The following MAPKAPK5 variants were observed in gnomAD, a reference collection of about 807,000 sequenced individuals.
MAPKAPK5 encodes MAPK activated protein kinase 5.
Under a neutral mutation model 65.1 loss-of-function variants are expected in MAPKAPK5, and 30 were observed. That is an observed-to-expected ratio of 0.46 (90% confidence interval 0.34 to 0.63). The LOEUF (loss-of-function observed/expected upper bound fraction) is 0.63. MAPKAPK5 is among the 20% of genes least tolerant of loss of function. The pLI is 0.01. For missense variants in MAPKAPK5, 433 were observed against 581.4 expected (o/e 0.74, Z 2.63); for synonymous variants, 179 against 204.6 (o/e 0.87, Z 1.07).
intron 1 of MAPKAPK5, among the ~76,000 whole-genome samples, chr12:111,845,148 A>G (rs2068866602): frequency 6.6e-6 from 1 of 151,828 alleles, no homozygotes; most frequent in African/African-American, 2.4e-5. Context: ...TTTTTGATAC[A>G]GAGTCTCACT....
At chr12:111,884,139 T>G (rs969605599) in intron 9 of MAPKAPK5, among the ~76,000 whole-genome samples, 14 of 152,168 alleles carry the variant, frequency 9.2e-5, no homozygotes, top group African/African-American at 3.4e-4. Flanking sequence ...GGTGCCGAGA[T>G]GACAAACAGC....
At chr12:111,870,534 T>C (rs775255789) in intron 6 of MAPKAPK5, among the ~76,000 whole-genome samples, 174 bp downstream of exon 6, 3 of 152,236 alleles carry the variant, frequency 2.0e-5, no homozygotes, top group Non-Finnish European at 2.9e-5. Context: ...TGTACTACTG[T>C]ACTCCCGGCA....
At chr12:111,866,009 C>G (rs952607940) in intron 2 of MAPKAPK5, 147 bp from the exon 3 acceptor site, 4 of 613,896 alleles carry the variant, frequency 6.5e-6, no homozygotes, top group Admixed American at 6.2e-5. Context: ...TTCTTTCCCC[C>G]ACCTGCTACC....
At chr12:111,867,792 G>T (rs913791115) in intron 4 of MAPKAPK5, 123 bp downstream of exon 4, 1 of 708,878 alleles carries the variant, frequency 1.4e-6, no homozygotes, top group South Asian at 1.8e-5. Context: ...CGCTTCCTCT[G>T]CCCTTCCTTC....
At chr12:111,874,283 T>C (rs929933128) in intron 7 of MAPKAPK5, among the ~76,000 whole-genome samples, 1 of 151,292 alleles carries the variant, frequency 6.6e-6, no homozygotes, top group African/African-American at 2.4e-5. Context: ...TAATCTCAGC[T>C]ACTTGGGAGG....
At chr12:111,871,500 G>A (rs1053562434) in intron 7 of MAPKAPK5, among the ~76,000 whole-genome samples, 15 of 152,160 alleles carry the variant, frequency 9.9e-5, no homozygotes, top group African/African-American at 3.4e-4. Flanking sequence ...AAAATTAGCC[G>A]AGTGTGGTGG....
intron 1 of MAPKAPK5, among the ~76,000 whole-genome samples, chr12:111,862,180 A>C (rs2069462447): frequency 6.6e-6 from 1 of 152,222 alleles, no homozygotes; most frequent in South Asian, 2.1e-4. Context: ...AGTTGGGCTC[A>C]GTGAAGCCTT....
At chr12:111,873,251 C>A (rs1218478596) in intron 7 of MAPKAPK5, among the ~76,000 whole-genome samples, 1 of 152,092 alleles carries the variant, frequency 6.6e-6, no homozygotes, top group African/African-American at 2.4e-5. Flanking sequence ...CAAGTTGTTG[C>A]AGCATCATTG....
chr12:111,862,258 G>T (rs948678649), intron 1 of MAPKAPK5, among the ~76,000 whole-genome samples: 6 of 152,244 alleles, frequency 3.9e-5, no homozygotes, highest in Admixed American at 1.3e-4. Context: ...AGGACAGGAG[G>T]TATAAAAAAT....
At chr12:111,844,898 G>A (rs961277062) in intron 1 of MAPKAPK5, among the ~76,000 whole-genome samples, 7 of 152,214 alleles carry the variant, frequency 4.6e-5, no homozygotes, top group Non-Finnish European at 8.8e-5. Flanking sequence ...AAGGTGGCTG[G>A]AATGCAGTGG....
At chr12:111,866,019 C>T in intron 2 of MAPKAPK5, 137 bp from the exon 3 acceptor site, 1 of 641,656 alleles carries the variant, frequency 1.6e-6, no homozygotes, top group Non-Finnish European at 2.6e-6. Flanking sequence ...CACCTGCTAC[C>T]CTTGGGGGCA....
rs1409029634 is a variant in MAPKAPK5, at chr12:111,899,219, C to CT, written c.*6159dup. On this transcript the variant is annotated 3_prime_UTR_variant, in exon 14 of 14. Transcript: ENST00000550735. ...GGTTTGTGTGCGAGGGAGAGCTCTG[C>CT]TGATGGACATAGGCCCAGAATCATT... 13 of 152,420 alleles carry CT rather than the reference C, an allele frequency of 8.5e-5. No individual in the cohort carries two copies. Among genetic ancestry groups the CT allele is most frequent in the African/African-American group, 2.9e-4 (12 of 41,450 alleles). 9.4% of individuals were successfully genotyped at this position (152,420 alleles called of 1,614,324 possible).
chr12:111,843,158 C>T (rs2068782429), intron 1 of MAPKAPK5: 2 of 398,526 alleles, frequency 5.0e-6, no homozygotes, highest in South Asian at 2.5e-4. Flanking sequence ...GGAATTTATC[C>T]ATCCCTCCCG....
At chr12:111,879,323 G>A (rs2070107705) in intron 7 of MAPKAPK5, 1 of 150,466 alleles carries the variant, frequency 6.6e-6, no homozygotes, top group African/African-American at 2.4e-5. Context: ...TTGTTCTTGT[G>A]TAAAAGCTCT....
rs1018751563 is a variant in MAPKAPK5 at position 111,900,164 on chromosome 12, C to T, written c.*7103C>T. ...TCACAGTGGACTTGCAAATCACACT[C>T]AGGAATTTCAATCACTGGAGACAAG... On this transcript the variant is annotated 3_prime_UTR_variant, in exon 14 of 14. Coordinates refer to ENST00000550735, the MANE Select transcript of MAPKAPK5 (RefSeq NM_003668.4). The T allele has an allele frequency of 1.1e-5, 5 of 455,904 alleles. No homozygotes were observed. The highest frequency in any genetic ancestry group is 1.8e-5 in the Non-Finnish European group (4 of 226,796). The allele number at this position is 455,904 out of a possible 1,614,324, so 28.2% of individuals were successfully genotyped here. A position where few individuals can be genotyped will look rare whatever the true frequency, so the allele number is the denominator to read the frequency against.
At chr12:111,886,583 T>C (rs2070409444) in intron 10 of MAPKAPK5, among the ~76,000 whole-genome samples, 2 of 152,356 alleles carry the variant, frequency 1.3e-5, no homozygotes, top group South Asian at 4.1e-4. Context: ...AGAATTTGAG[T>C]AGACAGTGTA....
intron 1 of MAPKAPK5, among the ~76,000 whole-genome samples, chr12:111,863,377 A>T (rs561990564): frequency 6.6e-6 from 1 of 152,274 alleles, no homozygotes; most frequent in Admixed American, 6.5e-5. Context: ...CTTTACCAAG[A>T]ATTGGACACA....
Position 111,893,174 on chromosome 12 carries a change from G to T in MAPKAPK5, c.*113G>T. 1.3e-6 allele frequency: 1 copy of T among 760,076 alleles called. No individual in the cohort carries two copies. 47.1% of individuals were successfully genotyped at this position (760,076 alleles called of 1,614,324 possible). ...TTTCATTTCCACATTGATTAAAGCT[G>T]CTGTATAGATTTAGGGTGCAGGACT... On this transcript the variant is annotated 3_prime_UTR_variant, in exon 14 of 14. Transcript: ENST00000550735.
At chr12:111,863,020 TGAGTGAAGATG>T (rs1398953073) in intron 1 of MAPKAPK5, among the ~76,000 whole-genome samples, 1 of 152,098 alleles carries the variant, frequency 6.6e-6, no homozygotes, top group African/African-American at 2.4e-5. Context: ...GAGGAGGTGG[TGAGTGAAGATG>T]GAGCCTAGGA....
Sources: allele counts gnomAD v4.1 joint callset (sites outside exome capture counted in the v4.1 genomes callset), GRCh38; gene constraint gnomAD v4.1.1; transcripts MANE v1.5; gene names NCBI Gene and HGNC (gene_info 2026-07-23, HGNC 2026-07-21).